CHRNA7: variants seen among roughly 807,000 people sequenced by gnomAD.
CHRNA7 encodes the protein cholinergic receptor nicotinic alpha 7 subunit.
In CHRNA7, 17 loss-of-function variants were observed where a neutral mutation model predicts 48.0. The ratio of observed to expected loss-of-function variants is 0.35; its 90% CI spans 0.24 to 0.53. CHRNA7 has a LOEUF of 0.53. Ranked by LOEUF, CHRNA7 falls within the 20% of genes least tolerant of loss-of-function variation. The pLI, the probability that CHRNA7 is intolerant of heterozygous loss-of-function variation, is 0.92. For synonymous variants in CHRNA7, 75 were observed against 242.3 expected (o/e 0.31, Z 6.41); for missense variants, 155 against 577.7 (o/e 0.27, Z 7.50).
chr15:32,091,597 C>T lies in CHRNA7; in HGVS notation c.196-9706C>T, dbSNP rs562750291. 2.6e-5 allele frequency among the ~76,000 whole-genome samples: 4 copies of T among 152,334 alleles called. No individual in the cohort carries two copies. In the East Asian group the frequency reaches 7.7e-4, roughly 29 times the overall value. On this transcript the variant is annotated intron_variant, in intron 2 of 9. Transcript: ENST00000306901. Reference sequence around the variant, plus strand: ...CAGAATGACACAGACTAACTTGCTTCTTTCTTGGCCAATGGTCTCTTCAAA... The same window carrying T: ...CAGAATGACACAGACTAACTTGCTTTTTTCTTGGCCAATGGTCTCTTCAAA...
At chr15:32,033,493 T>C (rs1366186759) in intron 2 of CHRNA7, among the ~76,000 whole-genome samples, 1 of 152,260 alleles carries the variant, frequency 6.6e-6, no homozygotes, top group Non-Finnish European at 1.5e-5. Flanking sequence ...TCCTTTAGAC[T>C]TGGTAACTTC....
At chr15:32,109,506 G>C (rs1367947916) in intron 3 of CHRNA7, among the ~76,000 whole-genome samples, 1 of 152,202 alleles carries the variant, frequency 6.6e-6, no homozygotes, top group Non-Finnish European at 1.5e-5. Context: ...TTAAGATGGA[G>C]TTTCCCTGGT....
intron 2 of CHRNA7, among the ~76,000 whole-genome samples, chr15:32,097,730 T>C (rs2050496180): frequency 6.6e-6 from 1 of 152,242 alleles, no homozygotes. Flanking sequence ...TGTGCATATT[T>C]ATTCACAGGC....
intron 4 of CHRNA7, among the ~76,000 whole-genome samples, chr15:32,141,858 G>A (rs192387077): frequency 4.6e-4 from 50 of 109,572 alleles, no homozygotes; most frequent in Middle Eastern, 5.2e-3. Flanking sequence ...CAATCATGTC[G>A]TCTGCAAACA....
At chr15:32,050,230 C>T (rs544466946) in intron 2 of CHRNA7, among the ~76,000 whole-genome samples, 2 of 152,204 alleles carry the variant, frequency 1.3e-5, no homozygotes, top group African/African-American at 2.4e-5. Context: ...GGATGATATC[C>T]TGCAGAGTGT....
At chr15:32,092,118 T>C (rs900598037) in intron 2 of CHRNA7, among the ~76,000 whole-genome samples, 1 of 152,234 alleles carries the variant, frequency 6.6e-6, no homozygotes, top group Non-Finnish European at 1.5e-5. Context: ...GTGTGTTTGC[T>C]CTGCAGACAC....
At chr15:32,132,397 A>T (rs1191918748) in intron 4 of CHRNA7, among the ~76,000 whole-genome samples, 1 of 152,168 alleles carries the variant, frequency 6.6e-6, no homozygotes, top group Non-Finnish European at 1.5e-5. Context: ...TTCTTCTCTG[A>T]ACTGTTGACA....
At chr15:32,059,391 A>AT (rs1273530930) in intron 2 of CHRNA7, among the ~76,000 whole-genome samples, 1 of 152,022 alleles carries the variant, frequency 6.6e-6, no homozygotes, top group Non-Finnish European at 1.5e-5. Context: ...TGAACTATTG[A>AT]TTTTTTTGGC....
At position 32,150,958 on chromosome 15, in the gene CHRNA7, G is replaced by A. The variant is rs1339794536; in HGVS notation, c.351-2949G>A. 3.9e-5 allele frequency among the ~76,000 whole-genome samples: 6 copies of A among 152,146 alleles called. No homozygotes were observed. In the East Asian group the frequency reaches 9.7e-4, roughly 25 times the overall value. ...GTTTTTGGAAGTAAGGGGGGGGGAT[G>A]TGTCCTTTCATGACAACTTGGCTCT... On this transcript the variant is annotated intron_variant, in intron 4 of 9. Transcript: ENST00000306901.
chr15:32,086,393 TA>T (rs2050298597), intron 2 of CHRNA7, among the ~76,000 whole-genome samples: 1 of 136,972 alleles, frequency 7.3e-6, no homozygotes, highest in South Asian at 2.3e-4. Flanking sequence ...AAAAAAAAGA[TA>T]AACACTTTTA....
At chr15:32,050,840 C>A (rs2049657620) in intron 2 of CHRNA7, among the ~76,000 whole-genome samples, 2 of 152,136 alleles carry the variant, frequency 1.3e-5, no homozygotes. Flanking sequence ...GATGTCCTGT[C>A]TGTTTGTTAG....
intron 4 of CHRNA7, among the ~76,000 whole-genome samples, chr15:32,118,594 T>C (rs896352214): frequency 6.6e-6 from 1 of 152,192 alleles, no homozygotes; most frequent in African/African-American, 2.4e-5. Context: ...ACTGTCCATC[T>C]CACTCTCCCA....
At chr15:32,037,882 C>A (rs1902168867) in intron 2 of CHRNA7, among the ~76,000 whole-genome samples, 1 of 151,468 alleles carries the variant, frequency 6.6e-6, no homozygotes, top group African/African-American at 2.4e-5. Flanking sequence ...TCTTTTTTCC[C>A]AGTCTATATA....
intron 4 of CHRNA7, among the ~76,000 whole-genome samples, chr15:32,123,642 A>G (rs1404518781): frequency 6.6e-6 from 1 of 152,162 alleles, no homozygotes; most frequent in Non-Finnish European, 1.5e-5. Flanking sequence ...TGGAAAGAAG[A>G]TGGAAAAGAC....
chr15:32,114,991 C>T (rs377577070), intron 4 of CHRNA7, among the ~76,000 whole-genome samples: 11 of 152,216 alleles, frequency 7.2e-5, no homozygotes, highest in Admixed American at 5.9e-4. Context: ...CCCTTCTGGG[C>T]CTTTTCCACA....
At position 32,121,808 on chromosome 15, in the gene CHRNA7, G is replaced by A. The variant is rs569018732; in HGVS notation, c.350+9909G>A. Among the ~76,000 whole-genome samples, 7 of 152,274 alleles carry A rather than the reference G, an allele frequency of 4.6e-5. No individual in the cohort carries two copies. In the South Asian group the frequency reaches 1.5e-3, roughly 32 times the overall value. On this transcript the variant is annotated intron_variant, in intron 4 of 9. Transcript: ENST00000306901. ...GGCACAGGGCCCTTAGCGGGGAGGG[G>A]GAGAGATCACCTTGGAAGGGACTAA...
intron 2 of CHRNA7, among the ~76,000 whole-genome samples, chr15:32,059,004 A>C (rs1224990126): frequency 6.7e-6 from 1 of 148,988 alleles, no homozygotes; most frequent in Non-Finnish European, 1.5e-5. Flanking sequence ...TCTTCTTTGT[A>C]TTTTTTTTTT....
intron 4 of CHRNA7, among the ~76,000 whole-genome samples, chr15:32,135,925 G>A (rs1451607040): frequency 6.6e-6 from 1 of 152,074 alleles, no homozygotes. Flanking sequence ...CGAAAATAAC[G>A]TCTTTTAAGT....
intron 4 of CHRNA7, among the ~76,000 whole-genome samples, chr15:32,147,178 C>G (rs1201458774): frequency 2.6e-5 from 4 of 152,126 alleles, no homozygotes; most frequent in Non-Finnish European, 5.9e-5. Context: ...GAAAAGATTT[C>G]TGAGTGGGAG....
Sources: allele counts gnomAD v4.1 joint callset (sites outside exome capture counted in the v4.1 genomes callset), GRCh38; gene constraint gnomAD v4.1.1; transcripts MANE v1.5; gene names NCBI Gene and HGNC (gene_info 2026-07-23, HGNC 2026-07-21).